GPAT3: variants seen among roughly 807,000 people sequenced by gnomAD.
GPAT3 encodes glycerol-3-phosphate acyltransferase 3.
A neutral mutation model predicts 58.8 loss-of-function variants in GPAT3; 53 were observed. That is an observed-to-expected ratio of 0.90 (90% CI 0.72 to 1.13). The LOEUF (loss-of-function observed/expected upper bound fraction) is 1.13, where lower values mean the gene tolerates loss of function less well. GPAT3 is among the 50% of genes most tolerant of loss of function. The probability of loss-of-function intolerance (pLI) is 0.00; values close to 1 mark genes in which losing one functional copy is unlikely to be tolerated. For synonymous variants in GPAT3, 197 were observed against 187.4 expected (o/e 1.05, Z -0.42); for missense variants, 511 against 527.6 (o/e 0.97, Z 0.31).
intron 4 of GPAT3, 63 bp from the exon 5 acceptor site, chr4:83,588,147 T>G: frequency 6.9e-7 from 1 of 1,446,658 alleles, no homozygotes; most frequent in Non-Finnish European, 9.7e-7. Flanking sequence ...CATTAAAACC[T>G]TTATTATATT....
At chr4:83,549,573 C>G (rs1219631903) in intron 2 of GPAT3, among the ~76,000 whole-genome samples, 14 of 150,020 alleles carry the variant, frequency 9.3e-5, no homozygotes, top group Admixed American at 9.3e-4. Flanking sequence ...CACTCTATCA[C>G]CCAGGCTAGA....
chr4:83,588,421 CT>C, intron 5 of GPAT3, 122 bp downstream of exon 5: 5 of 808,926 alleles, frequency 6.2e-6, no homozygotes, highest in Non-Finnish European at 1.0e-5. Flanking sequence ...ATGTGTTCAT[CT>C]CTACTTCTCA....
chr4:83,579,053 T>C lies in GPAT3; in HGVS notation c.209-2509T>C, dbSNP rs1399419863. Among the ~76,000 whole-genome samples the C allele has an allele frequency of 4.9e-3, 185 of 37,754 alleles. 5 individuals are homozygous for C. The highest frequency in any genetic ancestry group is 1.0e-2 in the African/African-American group (92 of 9,236). 24.8% of individuals were successfully genotyped at this position (37,754 alleles called of 152,430 possible). A position where few individuals can be genotyped will look rare whatever the true frequency, so the allele number is the denominator to read the frequency against. Reference sequence around the variant, plus strand: ...TTCTTTCTTTCTTTCTTTCTTTCTTTCTTTCTTTCTTTCTTTCTTTCTTTC... The same window carrying C: ...TTCTTTCTTTCTTTCTTTCTTTCTTCCTTTCTTTCTTTCTTTCTTTCTTTC... On this transcript the variant is annotated intron_variant, in intron 2 of 11. Transcript: ENST00000264409.
At chr4:83,592,047 C>T (rs1046185171) in intron 6 of GPAT3, among the ~76,000 whole-genome samples, 4 of 152,160 alleles carry the variant, frequency 2.6e-5, no homozygotes, top group African/African-American at 9.7e-5. Context: ...CTCATGGCCT[C>T]AGTATCTCTC....
chr4:83,600,250 T>G (rs1182562054), intron 11 of GPAT3, among the ~76,000 whole-genome samples: 1 of 152,172 alleles, frequency 6.6e-6, no homozygotes, highest in Non-Finnish European at 1.5e-5. Flanking sequence ...TCCTGTGTGC[T>G]TACATGATCC....
At chr4:83,603,425 T>C (rs1368969532) in intron 11 of GPAT3, among the ~76,000 whole-genome samples, 1 of 152,236 alleles carries the variant, frequency 6.6e-6, no homozygotes, top group South Asian at 2.1e-4. Flanking sequence ...TATGATTTTG[T>C]TATTTTATTC....
intron 2 of GPAT3, among the ~76,000 whole-genome samples, chr4:83,561,952 T>C (rs2110082079): frequency 6.6e-6 from 1 of 151,470 alleles, no homozygotes; most frequent in Middle Eastern, 3.4e-3. Flanking sequence ...TAATTGGTCA[T>C]TTTTTGATCT....
chr4:83,583,667 G>GA (rs749976752), intron 3 of GPAT3, among the ~76,000 whole-genome samples: 8,118 of 23,158 alleles, frequency 0.35, 1,834 homozygotes, highest in African/African-American at 0.44. Flanking sequence ...ACTCTTGTCT[G>GA]AAAAAAAAAA....
At chr4:83,603,045 G>A (rs1199494035) in intron 11 of GPAT3, among the ~76,000 whole-genome samples, 1 of 152,184 alleles carries the variant, frequency 6.6e-6, no homozygotes, top group Non-Finnish European at 1.5e-5. Flanking sequence ...TGGAGGTCAA[G>A]TTCTGTCCAC....
chr4:83,591,301 G>A lies in GPAT3; in HGVS notation c.738+1009G>A, dbSNP rs971498350. 1.1e-4 allele frequency among the ~76,000 whole-genome samples: 17 copies of A among 150,556 alleles called. No homozygotes were observed. The South Asian group carries it at 1.9e-3, about 17-fold the overall frequency. On this transcript the variant is annotated intron_variant, in intron 6 of 11. Transcript: ENST00000264409. ...CACAATCATTAAGGGGATTTTGAAG[G>A]CCTTTGCAAAAATTTCTGCTTATTG... is the stretch of plus-strand genomic sequence containing the variant.
At chr4:83,547,769 A>G (rs1345927976) in intron 2 of GPAT3, among the ~76,000 whole-genome samples, 4 of 151,212 alleles carry the variant, frequency 2.6e-5, no homozygotes, top group Admixed American at 2.0e-4. Context: ...AAAGCTATTT[A>G]ATTTGTTGAA....
At chr4:83,580,462 G>A (rs1726066453) in intron 2 of GPAT3, among the ~76,000 whole-genome samples, 1 of 152,118 alleles carries the variant, frequency 6.6e-6, no homozygotes, top group South Asian at 2.1e-4. Flanking sequence ...GCCTACATTT[G>A]CCTACATTTC....
At chr4:83,552,853 G>T (rs1480906164) in intron 2 of GPAT3, among the ~76,000 whole-genome samples, 1 of 152,122 alleles carries the variant, frequency 6.6e-6, no homozygotes, top group Admixed American at 6.6e-5. Context: ...AGTCATGAAG[G>T]TAGAGCCATA....
intron 1 of GPAT3, among the ~76,000 whole-genome samples, chr4:83,537,573 T>A (rs1002155845): frequency 1.0e-4 from 15 of 150,050 alleles, no homozygotes; most frequent in Non-Finnish European, 1.6e-4. Flanking sequence ...TAAAAAAAAA[T>A]TTAATTATAT....
At chr4:83,589,329 A>C (rs904538923) in intron 5 of GPAT3, among the ~76,000 whole-genome samples, 2 of 152,168 alleles carry the variant, frequency 1.3e-5, no homozygotes, top group African/African-American at 4.8e-5. Flanking sequence ...TACTGGTTTC[A>C]CTCTAGGGTA....
chr4:83,598,008 C>T, intron 9 of GPAT3, 43 bp from the exon 10 acceptor site: 1 of 1,607,476 alleles, frequency 6.2e-7, no homozygotes. Context: ...GGATGAGAAA[C>T]CACCCTTATT....
At chr4:83,562,874 C>T (rs2110083378) in intron 2 of GPAT3, among the ~76,000 whole-genome samples, 1 of 152,250 alleles carries the variant, frequency 6.6e-6, no homozygotes, top group East Asian at 1.9e-4. Context: ...CACTGCTACT[C>T]TTGTGGGCTA....
At chr4:83,574,882 G>T (rs375092531) in intron 2 of GPAT3, among the ~76,000 whole-genome samples, 7,752 of 93,022 alleles carry the variant, frequency 0.083, 367 homozygotes, top group African/African-American at 0.18. Flanking sequence ...TTTTTTTTTT[G>T]TTTTTTTTTT....
At chr4:83,575,475 C>T (rs1240232799) in intron 2 of GPAT3, among the ~76,000 whole-genome samples, 4 of 151,938 alleles carry the variant, frequency 2.6e-5, no homozygotes, top group East Asian at 1.9e-4. Context: ...TGCAGTGGTG[C>T]GATCTTGGCT....
Sources: gnomAD v4.1 joint callset for allele counts (sites outside exome capture counted in the v4.1 genomes callset) on GRCh38, gnomAD v4.1.1 for gene constraint, MANE v1.5 for transcripts, NCBI Gene and HGNC (gene_info 2026-07-23, HGNC 2026-07-21) for gene names.